Variants in ZC3HC1 observed in about 807,000 individuals in gnomAD.
ZC3HC1 encodes the protein zinc finger C3HC-type containing 1, also known as zinc finger C3HC-type protein 1.
A neutral mutation model predicts 61.9 loss-of-function variants in ZC3HC1; 38 were observed. The ratio of observed to expected loss-of-function variants is 0.61; its 90% CI spans 0.47 to 0.81. The LOEUF is 0.81. ZC3HC1 is among the 30% of genes least tolerant of loss of function. The pLI is 0.00. For synonymous variants in ZC3HC1, 213 were observed against 229.9 expected, an observed-to-expected ratio of 0.93 and a Z score of 0.67; for missense variants, 554 against 622.7, an observed-to-expected ratio of 0.89 and a Z score of 1.17.
intron 2 of ZC3HC1, among the ~76,000 whole-genome samples, chr7:130,044,212 C>T (rs1794785939): frequency 6.6e-6 from 1 of 152,134 alleles, no homozygotes; most frequent in South Asian, 2.1e-4. Flanking sequence ...TATATAGAGA[C>T]AGGATCTTGC....
intron 4 of ZC3HC1, among the ~76,000 whole-genome samples, chr7:130,032,715 A>AAGGAAGGAAGGAAGGG (rs1563079378): frequency 1.1e-5 from 1 of 89,712 alleles, no homozygotes; most frequent in African/African-American, 4.6e-5. Context: ...GGAAGGAAGG[A>AAGGAAGGAAGGAAGGG]AGGGAAGGAG....
intron 8 of ZC3HC1, among the ~76,000 whole-genome samples, chr7:130,022,862 G>C (rs992910344): frequency 6.6e-6 from 1 of 151,816 alleles, no homozygotes; most frequent in African/African-American, 2.4e-5. Context: ...ATTACCACCT[G>C]AGCTCTGCCT....
chr7:130,038,442 G>C (rs971486146), intron 4 of ZC3HC1, among the ~76,000 whole-genome samples: 1 of 152,168 alleles, frequency 6.6e-6, no homozygotes, highest in Non-Finnish European at 1.5e-5. Flanking sequence ...AGGAAACCTA[G>C]GTAGAACATG....
intron 1 of ZC3HC1, 149 bp from the exon 2 acceptor site, chr7:130,049,293 C>T (rs988961400): frequency 4.0e-6 from 2 of 502,478 alleles, no homozygotes; most frequent in African/African-American, 4.0e-5. Flanking sequence ...CATTCCTCAG[C>T]TTATTATTTT....
At chr7:130,036,360 TA>T (rs1794431607) in intron 4 of ZC3HC1, among the ~76,000 whole-genome samples, 1 of 151,776 alleles carries the variant, frequency 6.6e-6, no homozygotes, top group African/African-American at 2.4e-5. Context: ...CTACTAAAAA[TA>T]ACACTTTGGG....
chr7:130,036,642 A>C (rs1794443320), intron 4 of ZC3HC1: 1 of 152,224 alleles, frequency 6.6e-6, no homozygotes, highest in Non-Finnish European at 1.5e-5. Context: ...ATGTTAGAAA[A>C]AAATTACCTT....
intron 5 of ZC3HC1, among the ~76,000 whole-genome samples, chr7:130,028,543 A>AAAT (rs767479559): frequency 6.6e-6 from 1 of 152,030 alleles, no homozygotes; most frequent in Non-Finnish European, 1.5e-5. Flanking sequence ...CTCGGTCTCA[A>AAAT]AATAATAATA....
chr7:130,031,338 A>C (rs1247009142), intron 4 of ZC3HC1, among the ~76,000 whole-genome samples: 1 of 151,126 alleles, frequency 6.6e-6, no homozygotes, highest in African/African-American at 2.4e-5. Flanking sequence ...AAAAAAAAAA[A>C]AAAACAGAAA....
intron 4 of ZC3HC1, among the ~76,000 whole-genome samples, chr7:130,038,220 T>C (rs945768482): frequency 2.0e-5 from 3 of 152,212 alleles, no homozygotes; most frequent in Admixed American, 2.0e-4. Context: ...GGCCCTTATA[T>C]AGACAGGAAA....
At chr7:130,046,805 T>C (rs1277121899) in intron 2 of ZC3HC1, among the ~76,000 whole-genome samples, 1 of 152,170 alleles carries the variant, frequency 6.6e-6, no homozygotes, top group Non-Finnish European at 1.5e-5. Context: ...AAGTTTTTTT[T>C]TGAGACGGAG....
chr7:130,028,847 G>GTTTA, intron 5 of ZC3HC1, 55 bp downstream of exon 5: 1 of 1,587,936 alleles, frequency 6.3e-7, no homozygotes, highest in Non-Finnish European at 8.6e-7. Context: ...AATGCTTCAG[G>GTTTA]TATAAATGCT....
At chr7:130,026,026 C>T (rs571763414) in intron 6 of ZC3HC1, 132 bp downstream of exon 6, 2 of 1,039,408 alleles carry the variant, frequency 1.9e-6, no homozygotes, top group African/African-American at 3.2e-5. Flanking sequence ...CACCATCCCC[C>T]ACCCAGTTTT....
At chr7:130,029,451 A>G (rs917217715) in intron 4 of ZC3HC1, among the ~76,000 whole-genome samples, 3 of 152,160 alleles carry the variant, frequency 2.0e-5, no homozygotes, top group Non-Finnish European at 4.4e-5. Context: ...TTGATGAGCT[A>G]TTTGATGGTG....
chr7:130,025,270 G>C (rs958630658), intron 6 of ZC3HC1, among the ~76,000 whole-genome samples: 1 of 150,500 alleles, frequency 6.6e-6, no homozygotes, highest in Admixed American at 6.6e-5. Flanking sequence ...CTACCAAAGA[G>C]AGCATATTTA....
chr7:130,024,401 C>G lies in ZC3HC1; in HGVS notation c.882G>C (p.Leu294=), dbSNP rs1413255337. Residue 294 remains leucine (L), a synonymous_variant, in exon 7 of 10, where the codon CTG becomes CTC. Transcript: ENST00000358303. Reference sequence around the variant, plus strand: ...AGCTGGTCAGGCCAAAGGATGCATCCAGGTCAGTCATGGACGATTCAATCT... The same window carrying G: ...AGCTGGTCAGGCCAAAGGATGCATCGAGGTCAGTCATGGACGATTCAATCT... The part of the protein sequence containing the change: ...FQQIESSMTD[L]DASFGLTSSP... 6.2e-7 allele frequency: 1 copy of G among 1,614,124 alleles called. No individual in the cohort carries two copies. The highest frequency in any genetic ancestry group is 8.5e-7 in the Non-Finnish European group (1 of 1,180,038).
intron 9 of ZC3HC1, among the ~76,000 whole-genome samples, chr7:130,019,487 C>A (rs1318550647): frequency 6.6e-6 from 1 of 152,208 alleles, no homozygotes; most frequent in Non-Finnish European, 1.5e-5. Context: ...AGTTGAATGA[C>A]CCCTATGAGT....
chr7:130,027,176 T>C (rs1793954446), intron 5 of ZC3HC1: 1 of 152,108 alleles, frequency 6.6e-6, no homozygotes, highest in Non-Finnish European at 1.5e-5. Flanking sequence ...GACTTTATTT[T>C]TGTTCTAAGA....
intron 4 of ZC3HC1, among the ~76,000 whole-genome samples, chr7:130,038,517 TC>T (rs1354213609): frequency 6.6e-5 from 10 of 152,108 alleles, no homozygotes; most frequent in Non-Finnish European, 1.2e-4. Flanking sequence ...TTATAGCTTC[TC>T]TCTAGTTGGT....
Position 130,025,870 on chromosome 7 carries a change from CAAAAAAAAAAA to C in ZC3HC1, c.776+277_776+287del, listed in dbSNP as rs71175064. 1.0e-4 allele frequency among the ~76,000 whole-genome samples: 6 copies of C among 58,596 alleles called. No individual in the cohort carries two copies. The South Asian group carries it at 3.3e-3, about 32-fold the overall frequency. The allele number at this position is 58,596 out of a possible 152,430, so 38.4% of individuals were successfully genotyped here. ...TGGGCAACAGAATGAGACTCCGTCT[CAAAAAAAAAAA>C]AAAAAAAAAAAAAGAGAACACAAAT... is the stretch of plus-strand genomic sequence containing the variant. On this transcript the variant is annotated intron_variant, in intron 6 of 9. Coordinates refer to ENST00000358303, the MANE Select transcript of ZC3HC1 (RefSeq NM_016478.5).
Sources: allele counts gnomAD v4.1 joint callset (sites outside exome capture counted in the v4.1 genomes callset), GRCh38; gene constraint gnomAD v4.1.1; transcripts MANE v1.5; gene names NCBI Gene and HGNC (gene_info 2026-07-23, HGNC 2026-07-21).